The following SMC2 variants were observed in gnomAD, a reference collection of about 807,000 sequenced individuals.
SMC2 encodes structural maintenance of chromosomes protein 2.
SMC2 carries 41 observed loss-of-function variants against 142.6 expected under a neutral mutation model. That is an observed-to-expected ratio of 0.29 (90% CI 0.22 to 0.37). SMC2 has a LOEUF of 0.37. SMC2 is among the 10% of genes least tolerant of loss of function. The pLI is 1.00. For missense variants in SMC2, 1,265 were observed against 1,373.7 expected (o/e 0.92, Z 1.25); for synonymous variants, 463 against 457.5 (o/e 1.01, Z -0.15).
intron 9 of SMC2, among the ~76,000 whole-genome samples, chr9:104,110,160 G>A (rs535543806): frequency 2.0e-5 from 3 of 152,144 alleles, no homozygotes; most frequent in East Asian, 1.9e-4. Flanking sequence ...CCATAAACCC[G>A]AATAACATGG....
intron 20 of SMC2, among the ~76,000 whole-genome samples, chr9:104,128,173 T>TA (rs1834527345): frequency 6.6e-6 from 1 of 152,194 alleles, no homozygotes; most frequent in Non-Finnish European, 1.5e-5. Context: ...TATTTTTTTT[T>TA]AGCATCCTAA....
intron 19 of SMC2, 28 bp downstream of exon 19, chr9:104,126,812 A>G: frequency 6.3e-7 from 1 of 1,575,882 alleles, no homozygotes; most frequent in Non-Finnish European, 8.6e-7. Context: ...AATTCGAGAA[A>G]TTGAAAATGC....
intron 7 of SMC2, among the ~76,000 whole-genome samples, chr9:104,100,725 G>C (rs1437406519): frequency 6.6e-6 from 1 of 152,110 alleles, no homozygotes; most frequent in African/African-American, 2.4e-5. Flanking sequence ...AGTTAGCATT[G>C]ACTGGAACAA....
At chr9:104,099,767 A>G (rs906298804) in intron 5 of SMC2, 85 bp downstream of exon 5, 2 of 890,534 alleles carry the variant, frequency 2.2e-6, no homozygotes, top group Non-Finnish European at 3.5e-6. Context: ...ATTCTATTAA[A>G]ATTTTTGGAG....
At position 104,138,327 on chromosome 9, in the gene SMC2, GA is replaced by G. The variant is rs748427764; in HGVS notation, c.3417+168del. On this transcript the variant is annotated intron_variant, in intron 24 of 24. Coordinates refer to ENST00000374793, the MANE Select transcript of SMC2 (RefSeq NM_006444.3). ...ACTTATGTTTAAATAGGTATAGAAGGAAAAAAGTTTCACTCTCCTTTTTAAG... is the reference window on the plus strand; with the variant it reads ...ACTTATGTTTAAATAGGTATAGAAGGAAAAAGTTTCACTCTCCTTTTTAAG... Among the ~76,000 whole-genome samples, 10 of 152,220 alleles carry G rather than the reference GA, an allele frequency of 6.6e-5. No individual in the cohort carries two copies. In the East Asian group the frequency reaches 1.9e-3, roughly 29 times the overall value.
rs1238661949 is a variant in SMC2, at chr9:104,138,070, C to T, written c.3322C>T (p.Pro1108Ser). The change falls in exon 24 of 25, where the codon CCA (proline) becomes TCA (serine). Residue 1108 changes from proline (P) to serine (S), a missense_variant. By Grantham distance (74) the Pro-to-Ser change is moderately conservative. Coordinates refer to ENST00000374793, the MANE Select transcript of SMC2 (RefSeq NM_006444.3). ...GTCCATGCTTCTCTTCAAACCTGCT[C>T]CAATTTATATCCTTGATGAGGTAGA... is the stretch of plus-strand genomic sequence containing the variant. ...ILSMLLFKPA[P>S]IYILDEVDAA... is the part of the protein sequence containing the mutation. 1.2e-6 allele frequency: 2 copies of T among 1,610,518 alleles called. No homozygotes were observed. The highest frequency in any genetic ancestry group is 2.2e-5 in the South Asian group (2 of 90,634).
At chr9:104,106,743 G>C (rs1041780286) in intron 9 of SMC2, among the ~76,000 whole-genome samples, 1 of 152,156 alleles carries the variant, frequency 6.6e-6, no homozygotes, top group Non-Finnish European at 1.5e-5. Context: ...CCCTTCTCTT[G>C]ACCAGATGAC....
intron 9 of SMC2, among the ~76,000 whole-genome samples, chr9:104,103,797 G>T (rs1234574253): frequency 6.6e-6 from 1 of 152,174 alleles, no homozygotes; most frequent in Non-Finnish European, 1.5e-5. Flanking sequence ...TTTTTGCAGA[G>T]AAATACATTG....
At chr9:104,111,245 G>A (rs1039532279) in intron 9 of SMC2, among the ~76,000 whole-genome samples, 3 of 152,130 alleles carry the variant, frequency 2.0e-5, no homozygotes, top group African/African-American at 7.2e-5. Flanking sequence ...TTAAGCTAGT[G>A]TAGGATGTCT....
chr9:104,124,133 C>T (rs1199651948), intron 17 of SMC2, among the ~76,000 whole-genome samples: 2 of 152,172 alleles, frequency 1.3e-5, no homozygotes, highest in African/African-American at 4.8e-5. Context: ...CTCTCTGTCC[C>T]CAGGCTGGAG....
At chr9:104,138,290 C>G in intron 24 of SMC2, 125 bp downstream of exon 24, 1 of 702,038 alleles carries the variant, frequency 1.4e-6, no homozygotes, top group Non-Finnish European at 2.1e-6. Flanking sequence ...CATTGTATAT[C>G]TATTTAAATA....
At chr9:104,131,820 TACAC>T (rs992541843) in intron 21 of SMC2, among the ~76,000 whole-genome samples, 185 bp from the exon 22 acceptor site, 3 of 152,032 alleles carry the variant, frequency 2.0e-5, no homozygotes, top group Non-Finnish European at 4.4e-5. Context: ...AGTGTGTATA[TACAC>T]ACACATCATA....
Position 104,120,048 on chromosome 9 carries a change from C to G in SMC2, c.2018C>G (p.Ser673Cys). The G allele has an allele frequency of 6.2e-7, 1 of 1,613,782 alleles. No homozygotes were observed. The highest frequency in any genetic ancestry group is 8.5e-7 in the Non-Finnish European group (1 of 1,179,892). The change falls in exon 16 of 25, where the codon TCC (serine) becomes TGC (cysteine). Residue 673 changes from serine to cysteine, a missense_variant. Transcript: ENST00000374793. ...LSGGARSQAA[S>C]ILTKFQELKD... is the part of the protein sequence containing the mutation. ...TCAGGTGCTCGATCCCAGGCAGCTT[C>G]CATTTTAACCAAGTTTCAAGAACTC...
Position 104,123,198 on chromosome 9 carries a change from A to G in SMC2, c.2223A>G (p.Gln741=), listed in dbSNP as rs1222547453. Residue 741 remains glutamine (Q), a synonymous_variant, in exon 17 of 25, where the codon CAA becomes CAG. Transcript: ENST00000374793. ...TCCAGCAAAGCTCATATCACAAGCA[A>G]CAAGAAGAATTAGATGCCCTTAAAA... ...TKLQQSSYHK[Q]QEELDALKKT... is the part of the protein sequence containing the mutation. 6.2e-7 allele frequency: 1 copy of G among 1,613,000 alleles called. No homozygotes were observed. Among genetic ancestry groups the G allele is most frequent in the South Asian group, 1.1e-5 (1 of 90,960 alleles).
chr9:104,122,485 T>G (rs1355875433), intron 16 of SMC2, among the ~76,000 whole-genome samples: 1 of 151,466 alleles, frequency 6.6e-6, no homozygotes, highest in African/African-American at 2.4e-5. Flanking sequence ...TTTTTTTTCC[T>G]CAGACCTCAT....
At chr9:104,096,022 G>A in intron 2 of SMC2, 126 bp from the exon 3 acceptor site, 1 of 774,990 alleles carries the variant, frequency 1.3e-6, no homozygotes, top group Non-Finnish European at 2.0e-6. Context: ...GGATGCAGCT[G>A]CCTAACCTTG....
rs529456303 is a variant in SMC2 at position 104,116,989 on chromosome 9, G to GAC, written c.1791+672_1791+673dup. ...ACATTCCAAGTACATCAGTTGAAAA[G>GAC]ACATTTCTATGAAACTTAAAAATAT... On this transcript the variant is annotated intron_variant, in intron 14 of 24. Transcript: ENST00000374793. Among the ~76,000 whole-genome samples the GAC allele has an allele frequency of 2.0e-4, 31 of 152,276 alleles. No homozygotes were observed. The South Asian group carries it at 2.9e-3, about 14-fold the overall frequency.
At position 104,099,831 on chromosome 9, in the gene SMC2, C is replaced by T. The variant is rs963000133; in HGVS notation, c.480+149C>T. 1.1e-5 allele frequency: 7 copies of T among 615,512 alleles called. No individual in the cohort carries two copies. The Admixed American group carries it at 1.6e-4, about 14-fold the overall frequency. The allele number at this position is 615,512 out of a possible 1,614,324, so 38.1% of individuals were successfully genotyped here. ...AGTTGTATATTTGTGTAATATTTGGCACTATGCCCAAATATTAAAATTGAT... is the reference window on the plus strand; with the variant it reads ...AGTTGTATATTTGTGTAATATTTGGTACTATGCCCAAATATTAAAATTGAT... On this transcript the variant is annotated intron_variant, in intron 5 of 24. Transcript: ENST00000374793.
chr9:104,098,585 C>T lies in SMC2; in HGVS notation c.441+17C>T, dbSNP rs1830740870. On this transcript the variant is annotated intron_variant, in intron 4 of 24. Transcript: ENST00000374793. ...ATCATGCAGGTATTTCGTTTGAGGT[C>T]TTTATATCACTTTCGTAATAGTTTC... 1 of 1,572,266 alleles carries T rather than the reference C, an allele frequency of 6.4e-7. No homozygotes were observed. The highest frequency in any genetic ancestry group is 8.6e-7 in the Non-Finnish European group (1 of 1,166,634).
Sources: allele counts gnomAD v4.1 joint callset (sites outside exome capture counted in the v4.1 genomes callset), GRCh38; gene constraint gnomAD v4.1.1; transcripts MANE v1.5; gene names NCBI Gene and HGNC (gene_info 2026-07-23, HGNC 2026-07-21).